Variants in CRKL observed in about 807,000 individuals in gnomAD.
CRKL encodes CRK like proto-oncogene, adaptor protein, also known as crk-like protein.
Under a neutral mutation model 23.0 loss-of-function variants are expected in CRKL, and 3 were observed. The ratio of observed to expected loss-of-function variants is 0.13; its 90% CI spans 0.06 to 0.34. The LOEUF (loss-of-function observed/expected upper bound fraction) is 0.34. Among genes scored for constraint, CRKL ranks in the 10% least tolerant of loss-of-function variants. The pLI is 1.00. For missense variants in CRKL, 256 were observed against 394.5 expected (o/e 0.65, Z 2.97); for synonymous variants, 188 against 160.7 (o/e 1.17, Z -1.28).
At chr22:20,939,686 TAA>T (rs55715412) in intron 2 of CRKL, among the ~76,000 whole-genome samples, 116,160 of 151,848 alleles carry the variant, frequency 0.76, 45,012 homozygotes, top group East Asian at 0.92. Flanking sequence ...TGTGTGGACT[TAA>T]AAGTGCATGG....
At chr22:20,948,774 A>G (rs1410106144) in intron 2 of CRKL, among the ~76,000 whole-genome samples, 2 of 152,126 alleles carry the variant, frequency 1.3e-5, no homozygotes, top group East Asian at 3.9e-4. Flanking sequence ...ACCTGGAACT[A>G]GAGGCATGTA....
In CRKL at chr22:20,950,381, T is replaced by C; in HGVS notation, c.*536T>C. The C allele has an allele frequency of 4.3e-6, 1 of 233,182 alleles. No individual in the cohort carries two copies. Among genetic ancestry groups the C allele is most frequent in the Non-Finnish European group, 8.5e-6 (1 of 118,072 alleles). The allele number at this position is 233,182 out of a possible 1,614,324, so 14.4% of individuals were successfully genotyped here. On this transcript the variant is annotated 3_prime_UTR_variant, in exon 3 of 3. Transcript: ENST00000354336. ...TTTTGGAAAACTAATTAATTAGACT[T>C]GTGTGGGGGTTTTTTTTTGTTTTGT...
chr22:20,927,656 A>G (rs1921274091), intron 1 of CRKL, among the ~76,000 whole-genome samples: 1 of 150,672 alleles, frequency 6.6e-6, no homozygotes, highest in Non-Finnish European at 1.5e-5. Context: ...CAGCCTGGCC[A>G]ACGTGGTGAA....
At position 20,918,076 on chromosome 22, in the gene CRKL, T is replaced by C. The variant is rs2147891651; in HGVS notation, c.142T>C (p.Tyr48His). 1 of 1,614,242 alleles carries C rather than the reference T, an allele frequency of 6.2e-7. No individual in the cohort carries two copies. Among genetic ancestry groups the C allele is most frequent in the Non-Finnish European group, 8.5e-7 (1 of 1,180,046 alleles). ...CGATTCTTCCACCTGCCCTGGGGAC[T>C]ATGTGCTGTCGGTGTCCGAGAACTC... ...VRDSSTCPGD[Y>H]VLSVSENSRV... Residue 48 changes from tyrosine to histidine, a missense_variant, in exon 1 of 3, where the codon TAT becomes CAT. Physicochemically the swap from Tyr to His is moderately conservative, Grantham distance 83 (BLOSUM62 2). Transcript: ENST00000354336.
At chr22:20,934,987 T>C (rs1386449188) in intron 2 of CRKL, among the ~76,000 whole-genome samples, 1 of 151,988 alleles carries the variant, frequency 6.6e-6, no homozygotes, top group Non-Finnish European at 1.5e-5. Flanking sequence ...CTAATTTTTT[T>C]GTATTTTCAG....
At chr22:20,920,260 T>C (rs1199667118) in intron 1 of CRKL, among the ~76,000 whole-genome samples, 5 of 152,084 alleles carry the variant, frequency 3.3e-5, no homozygotes, top group Non-Finnish European at 1.5e-5. Flanking sequence ...CCCAGCACTT[T>C]GGGAAGCCAA....
In CRKL at chr22:20,950,259, C is replaced by A. The variant is rs533878900; in HGVS notation, c.*414C>A. ...AAGCAGTGGCTTAGCTGCCATCTTG[C>A]TTTTCTTTGGACAACAGGAAGTGAA... On this transcript the variant is annotated 3_prime_UTR_variant, in exon 3 of 3. Transcript: ENST00000354336. 5.5e-5 allele frequency: 13 copies of A among 238,152 alleles called. No homozygotes were observed. The highest frequency in any genetic ancestry group is 1.1e-4 in the Non-Finnish European group (13 of 122,088). 14.8% of individuals were successfully genotyped at this position (238,152 alleles called of 1,614,324 possible). A position where few individuals can be genotyped will look rare whatever the true frequency, so the allele number is the denominator to read the frequency against.
intron 2 of CRKL, among the ~76,000 whole-genome samples, chr22:20,944,746 C>CT (rs1012712767): frequency 7.0e-4 from 102 of 145,998 alleles, no homozygotes; most frequent in Middle Eastern, 7.2e-3. Context: ...AATGGAATCA[C>CT]TTTTTTTTTT....
At chr22:20,947,575 GGTGATCCATCTGCCTTGGCCTCCCAAA>G (rs1922109442) in intron 2 of CRKL, among the ~76,000 whole-genome samples, 1 of 150,208 alleles carries the variant, frequency 6.7e-6, no homozygotes, top group Non-Finnish European at 1.5e-5. Flanking sequence ...CCTGACCTCA[GGTGATCCATCTGCCTTGGCCTCCCAAA>G]GTGTTGGGAT....
chr22:20,946,110 G>A (rs1315971646), intron 2 of CRKL, among the ~76,000 whole-genome samples: 1 of 152,146 alleles, frequency 6.6e-6, no homozygotes, highest in Non-Finnish European at 1.5e-5. Flanking sequence ...TGTCACCAGT[G>A]TACTCCTGAT....
chr22:20,931,329 C>T (rs1287571611), intron 1 of CRKL, among the ~76,000 whole-genome samples: 1 of 152,084 alleles, frequency 6.6e-6, no homozygotes, highest in Non-Finnish European at 1.5e-5. Context: ...ATCACTTGAG[C>T]TTGGGAAGTG....
At chr22:20,931,261 G>A (rs1299285369) in intron 1 of CRKL, among the ~76,000 whole-genome samples, 2 of 152,066 alleles carry the variant, frequency 1.3e-5, no homozygotes, top group Non-Finnish European at 2.9e-5. Context: ...TTAAAAATTG[G>A]CTGTGTGTGA....
intron 1 of CRKL, among the ~76,000 whole-genome samples, chr22:20,922,465 T>C (rs1467263896): frequency 3.3e-5 from 5 of 152,162 alleles, no homozygotes; most frequent in Non-Finnish European, 5.9e-5. Context: ...GGGGCTGTTA[T>C]TGTAATCCAG....
At chr22:20,926,273 AAG>A (rs1322713892) in intron 1 of CRKL, among the ~76,000 whole-genome samples, 4 of 152,228 alleles carry the variant, frequency 2.6e-5, no homozygotes, top group African/African-American at 7.2e-5. Flanking sequence ...AGTTTTTAAA[AAG>A]AGAACTGTCA....
chr22:20,935,494 C>T (rs1644937457), intron 2 of CRKL, among the ~76,000 whole-genome samples: 1 of 150,762 alleles, frequency 6.6e-6, no homozygotes, highest in Non-Finnish European at 1.5e-5. Context: ...AGAACTTGAA[C>T]ATTTTAATTA....
At chr22:20,939,109 CA>C (rs925938741) in intron 2 of CRKL, among the ~76,000 whole-genome samples, 1 of 151,696 alleles carries the variant, frequency 6.6e-6, no homozygotes, top group Non-Finnish European at 1.5e-5. Flanking sequence ...TGGACACCTC[CA>C]AAAAAACATT....
chr22:20,926,660 C>T (rs1161237937), intron 1 of CRKL, among the ~76,000 whole-genome samples: 1 of 151,958 alleles, frequency 6.6e-6, no homozygotes, highest in Non-Finnish European at 1.5e-5. Flanking sequence ...GATGGGATCA[C>T]CCAGAATGAG....
chr22:20,925,524 AAAAC>A (rs1376572858), intron 1 of CRKL, among the ~76,000 whole-genome samples: 12 of 152,360 alleles, frequency 7.9e-5, no homozygotes, highest in Admixed American at 2.0e-4. Flanking sequence ...CGGAAAACAA[AAAAC>A]AAACAAACAA....
chr22:20,940,566 CTTTTTTTTTTTTTT>C (rs55853175), intron 2 of CRKL, among the ~76,000 whole-genome samples: 1 of 134,922 alleles, frequency 7.4e-6, no homozygotes, highest in South Asian at 2.2e-4. Flanking sequence ...TTTGGTGCTC[CTTTTTTTTTTTTTT>C]TTTTTTGGCA....
Sources: gnomAD v4.1 joint callset for allele counts (sites outside exome capture counted in the v4.1 genomes callset) on GRCh38, gnomAD v4.1.1 for gene constraint, MANE v1.5 for transcripts, NCBI Gene and HGNC (gene_info 2026-07-23, HGNC 2026-07-21) for gene names.